The following OPCML variants were observed in gnomAD, a reference collection of about 807,000 sequenced individuals.
OPCML encodes opioid binding protein/cell adhesion molecule like.
A neutral mutation model predicts 37.8 loss-of-function variants in OPCML; 13 were observed. The observed-to-expected ratio is 0.34, with a 90% CI of 0.22 to 0.55. The LOEUF (loss-of-function observed/expected upper bound fraction) is 0.55, where lower values mean the gene tolerates loss of function less well. Ranked by LOEUF, OPCML falls within the 20% of genes least tolerant of loss-of-function variation. The probability of loss-of-function intolerance (pLI) is 0.91; values close to 1 mark genes in which losing one functional copy is unlikely to be tolerated. For missense variants in OPCML, 341 were observed against 435.6 expected, an observed-to-expected ratio of 0.78 and a Z score of 1.93; for synonymous variants, 176 against 168.8, an observed-to-expected ratio of 1.04 and a Z score of -0.33.
intron 2 of OPCML, among the ~76,000 whole-genome samples, chr11:132,924,917 C>G (rs977678669): frequency 6.6e-6 from 1 of 152,128 alleles, no homozygotes; most frequent in African/African-American, 2.4e-5. Context: ...GTTGCATCTT[C>G]TGTTATGATC....
rs546551505 is a variant in OPCML at position 133,345,271 on chromosome 11, G to A, written c.61+186993C>T. ...AGTATTCCCACTAGGTGTTCAAAGG[G>A]TAGAAACAAAAATTACTTTAAAAAT... On this transcript the variant is annotated intron_variant, in intron 1 of 7. Coordinates refer to ENST00000524381, the MANE Select transcript of OPCML (RefSeq NM_001012393.5). 9.8e-5 allele frequency among the ~76,000 whole-genome samples: 15 copies of A among 152,308 alleles called. No homozygotes were observed. The South Asian group carries it at 2.9e-3, about 29-fold the overall frequency.
At chr11:132,670,259 A>G (rs988836164) in intron 2 of OPCML, among the ~76,000 whole-genome samples, 4 of 152,172 alleles carry the variant, frequency 2.6e-5, no homozygotes, top group Non-Finnish European at 5.9e-5. Flanking sequence ...GAATGGCGCA[A>G]GTCAGCCACA....
intron 2 of OPCML, among the ~76,000 whole-genome samples, chr11:132,700,471 G>T (rs2135919877): frequency 6.6e-6 from 1 of 151,682 alleles, no homozygotes; most frequent in Middle Eastern, 3.4e-3. Context: ...CTTAAGTTTT[G>T]GTATGTTGTG....
At chr11:133,273,445 C>T (rs1348746563) in intron 1 of OPCML, among the ~76,000 whole-genome samples, 1 of 152,190 alleles carries the variant, frequency 6.6e-6, no homozygotes, top group Non-Finnish European at 1.5e-5. Context: ...ACTGACCCCA[C>T]AGCCCTCAAC....
intron 1 of OPCML, among the ~76,000 whole-genome samples, chr11:133,438,992 C>T (rs561535168): frequency 6.6e-6 from 1 of 152,156 alleles, no homozygotes; most frequent in African/African-American, 2.4e-5. Context: ...CGAATCCCTT[C>T]CATTTACTTG....
chr11:133,527,622 C>T (rs1948515949), intron 1 of OPCML, among the ~76,000 whole-genome samples: 1 of 152,268 alleles, frequency 6.6e-6, no homozygotes, highest in South Asian at 2.1e-4. Flanking sequence ...TCTCTCTTTA[C>T]CCTATTCCTA....
At chr11:133,152,790 T>C (rs909515928) in intron 1 of OPCML, among the ~76,000 whole-genome samples, 1 of 152,228 alleles carries the variant, frequency 6.6e-6, no homozygotes, top group Non-Finnish European at 1.5e-5. Flanking sequence ...GTTAGATTCT[T>C]TACAGCCATC....
intron 4 of OPCML, among the ~76,000 whole-genome samples, chr11:132,483,411 C>A (rs1013995600): frequency 5.5e-4 from 84 of 152,052 alleles, no homozygotes; most frequent in Middle Eastern, 3.4e-3. Flanking sequence ...TCAATGAAAT[C>A]AAAGAGGATA....
chr11:132,726,436 A>G (rs908118396), intron 2 of OPCML, among the ~76,000 whole-genome samples: 9 of 152,000 alleles, frequency 5.9e-5, no homozygotes, highest in African/African-American at 2.2e-4. Flanking sequence ...ATTACCTTCC[A>G]CTGGGTCCCT....
At chr11:133,030,213 C>G (rs1056309514) in intron 1 of OPCML, among the ~76,000 whole-genome samples, 1 of 152,208 alleles carries the variant, frequency 6.6e-6, no homozygotes, top group Non-Finnish European at 1.5e-5. Context: ...ACTGTCAACT[C>G]TTAATGATGT....
intron 1 of OPCML, among the ~76,000 whole-genome samples, chr11:133,498,232 A>AC (rs1310978979): frequency 6.6e-6 from 1 of 151,950 alleles, no homozygotes; most frequent in East Asian, 1.9e-4. Flanking sequence ...TCCCAGGAGC[A>AC]CCTCTCCTGG....
At chr11:133,053,225 T>C (rs142980308) in intron 1 of OPCML, among the ~76,000 whole-genome samples, 215 of 152,326 alleles carry the variant, frequency 1.4e-3, no homozygotes, top group African/African-American at 5.0e-3. Flanking sequence ...TGCTGAAAAA[T>C]GCCTTGAGCT....
intron 1 of OPCML, among the ~76,000 whole-genome samples, chr11:133,190,033 T>A (rs1178543047): frequency 2.0e-5 from 3 of 152,200 alleles, no homozygotes; most frequent in Non-Finnish European, 4.4e-5. Flanking sequence ...ACTTTACCAC[T>A]TCCATATAGT....
chr11:133,039,006 A>C (rs1350185894), intron 1 of OPCML, among the ~76,000 whole-genome samples: 2 of 152,206 alleles, frequency 1.3e-5, no homozygotes, highest in African/African-American at 2.4e-5. Context: ...CTTTCAAAGC[A>C]GTTAGCAGTA....
chr11:133,045,791 C>A (rs944103361), intron 1 of OPCML, among the ~76,000 whole-genome samples: 1 of 152,166 alleles, frequency 6.6e-6, no homozygotes, highest in Non-Finnish European at 1.5e-5. Flanking sequence ...TGCAAGACTG[C>A]CTACTGGTAG....
chr11:132,602,783 G>A (rs768321438), intron 3 of OPCML, among the ~76,000 whole-genome samples: 17 of 152,320 alleles, frequency 1.1e-4, no homozygotes, highest in Middle Eastern at 3.4e-3. Flanking sequence ...CAACCTTAGC[G>A]TCCCTTGAGG....
intron 4 of OPCML, among the ~76,000 whole-genome samples, chr11:132,513,391 T>C (rs965695223): frequency 6.6e-6 from 1 of 152,146 alleles, no homozygotes; most frequent in Non-Finnish European, 1.5e-5. Context: ...GGGACCCCTT[T>C]GAAGATTTGA....
chr11:133,043,223 G>C (rs1364587431), intron 1 of OPCML, among the ~76,000 whole-genome samples: 1 of 152,068 alleles, frequency 6.6e-6, no homozygotes, highest in Non-Finnish European at 1.5e-5. Flanking sequence ...TGGGATTGTG[G>C]GTCCAGGTGC....
chr11:132,647,712 G>A (rs1197277108), intron 3 of OPCML, among the ~76,000 whole-genome samples: 2 of 152,152 alleles, frequency 1.3e-5, no homozygotes, highest in East Asian at 3.9e-4. Flanking sequence ...GGTAGGTCTT[G>A]CGGTCTCAGG....
Sources: gnomAD v4.1 joint callset for allele counts (sites outside exome capture counted in the v4.1 genomes callset) on GRCh38, gnomAD v4.1.1 for gene constraint, MANE v1.5 for transcripts, NCBI Gene and HGNC (gene_info 2026-07-23, HGNC 2026-07-21) for gene names.